The following DNAH3 variants were observed in gnomAD, a reference collection of about 807,000 sequenced individuals.
DNAH3 encodes dynein axonemal heavy chain 3.
DNAH3 carries 332 observed loss-of-function variants against 432.5 expected under a neutral mutation model. The ratio of observed to expected loss-of-function variants is 0.77; its 90% CI spans 0.70 to 0.84. DNAH3 has a LOEUF of 0.84. DNAH3 is among the 40% of genes least tolerant of loss of function. The pLI is 0.00. For missense variants in DNAH3, 4,861 were observed against 5,114.0 expected (o/e 0.95, Z 1.51); for synonymous variants, 1,956 against 1,900.2 (o/e 1.03, Z -0.76).
chr16:20,970,396 C>G (rs1190037104), intron 51 of DNAH3, among the ~76,000 whole-genome samples: 1 of 152,050 alleles, frequency 6.6e-6, no homozygotes, highest in Non-Finnish European at 1.5e-5. Context: ...TGGTGGTGGG[C>G]GCTTGTAATC....
chr16:20,954,714 C>G, intron 55 of DNAH3, 99 bp downstream of exon 55: 1 of 1,382,464 alleles, frequency 7.2e-7, no homozygotes, highest in Non-Finnish European at 9.8e-7. Flanking sequence ...TTACTGGCAA[C>G]CCTATCTGAG....
At chr16:21,037,732 C>T (rs1269152195) in intron 34 of DNAH3, 29 bp downstream of exon 34, 15 of 1,597,108 alleles carry the variant, frequency 9.4e-6, no homozygotes, top group Non-Finnish European at 1.2e-5. Context: ...AGCCTTGGTC[C>T]TCGGCCAAGG....
chr16:20,988,707 G>C (rs145590378), intron 44 of DNAH3, among the ~76,000 whole-genome samples: 7 of 152,240 alleles, frequency 4.6e-5, no homozygotes, highest in Admixed American at 4.6e-4. Flanking sequence ...TTTTGTGTCC[G>C]GAATTGGTGG....
At chr16:20,967,545 C>T (rs963104748) in intron 52 of DNAH3, among the ~76,000 whole-genome samples, 33 of 143,408 alleles carry the variant, frequency 2.3e-4, no homozygotes, top group African/African-American at 8.2e-4. Flanking sequence ...TCTTGTTGCC[C>T]AGGCTGGAGT....
At chr16:21,036,419 CT>C (rs1486050354) in intron 35 of DNAH3, among the ~76,000 whole-genome samples, 1 of 151,944 alleles carries the variant, frequency 6.6e-6, no homozygotes, top group Non-Finnish European at 1.5e-5. Context: ...CCATTTCTTT[CT>C]TCTTTTTTTT....
chr16:21,144,982 G>A (rs962991417), intron 3 of DNAH3, among the ~76,000 whole-genome samples, 199 bp downstream of exon 4: 3 of 152,066 alleles, frequency 2.0e-5, no homozygotes, highest in African/African-American at 4.8e-5. Context: ...ATAGCCAGGT[G>A]TGGCCTGTAG....
intron 41 of DNAH3, among the ~76,000 whole-genome samples, chr16:21,010,014 C>G (rs1189679398): frequency 6.6e-6 from 1 of 151,840 alleles, no homozygotes; most frequent in African/African-American, 2.4e-5. Flanking sequence ...GTAGATTTAC[C>G]AGCAGTGTGA....
chr16:21,036,915 C>T (rs909955702), intron 34 of DNAH3, 67 bp from the exon 35 acceptor site: 6 of 1,330,552 alleles, frequency 4.5e-6, no homozygotes, highest in Middle Eastern at 2.7e-4. Context: ...CAACATTTTC[C>T]TAAAATGAGA....
At chr16:21,118,439 ATTT>A (rs1156600680) in intron 11 of DNAH3, among the ~76,000 whole-genome samples, 1 of 150,052 alleles carries the variant, frequency 6.7e-6, no homozygotes, top group Non-Finnish European at 1.5e-5. Flanking sequence ...CTTTTTATTT[ATTT>A]ATTTTTTTAA....
At chr16:21,157,866 T>C (rs969052451) in intron 1 of DNAH3, among the ~76,000 whole-genome samples, 2 of 142,666 alleles carry the variant, frequency 1.4e-5, no homozygotes, top group Non-Finnish European at 3.0e-5. Flanking sequence ...CTCGGGACGA[T>C]GGGGCCTTCC....
At position 21,062,844 on chromosome 16, in the gene DNAH3, A is replaced by G. The variant is rs78451059; in HGVS notation, c.3519-161T>C. 2.7e-3 allele frequency: 1,690 copies of G among 619,240 alleles called. 20 individuals are homozygous for G. In the African/African-American group the frequency reaches 0.028, roughly 10 times the overall value. 38.4% of individuals were successfully genotyped at this position (619,240 alleles called of 1,614,324 possible). ...TCTTTTATCACTTTTCATCTGGGGC[A>G]TGGAAGGTGGAGTTTTGCTTTTCTT... is the stretch of plus-strand genomic sequence containing the variant. On this transcript the variant is annotated intron_variant, in intron 24 of 61. Transcript: ENST00000261383.
chr16:21,125,481 A>C, intron 8 of DNAH3, 111 bp from the exon 10 acceptor site: 1 of 795,888 alleles, frequency 1.3e-6, no homozygotes, highest in Non-Finnish European at 1.8e-6. Flanking sequence ...TGTCCCACCA[A>C]GCAGCCTTGC....
intron 16 of DNAH3, among the ~76,000 whole-genome samples, chr16:21,100,262 T>C (rs2008856): frequency 0.28 from 42,731 of 151,938 alleles, 6,139 homozygotes; most frequent in African/African-American, 0.34. Context: ...CATAGAGATG[T>C]GGTTTCACCA....
intron 57 of DNAH3, among the ~76,000 whole-genome samples, chr16:20,946,643 T>C (rs570193025): frequency 4.6e-5 from 7 of 152,234 alleles, no homozygotes; most frequent in Admixed American, 4.6e-4. Context: ...TTTTCATCCA[T>C]GGTTCCTGGC....
chr16:21,077,395 AC>A (rs768808472), intron 20 of DNAH3, among the ~76,000 whole-genome samples: 2 of 152,028 alleles, frequency 1.3e-5, no homozygotes, highest in Non-Finnish European at 2.9e-5. Context: ...ACTCCTGACC[AC>A]AAGTGATCCG....
intron 11 of DNAH3, among the ~76,000 whole-genome samples, chr16:21,117,655 G>T (rs936084918): frequency 2.0e-5 from 3 of 152,146 alleles, no homozygotes; most frequent in Non-Finnish European, 4.4e-5. Context: ...CTCACCTTCT[G>T]AACTTTTCCT....
chr16:21,103,206 G>C (rs2091875616), intron 16 of DNAH3, among the ~76,000 whole-genome samples: 1 of 152,066 alleles, frequency 6.6e-6, no homozygotes, highest in East Asian at 1.9e-4. Context: ...ACTACAAATT[G>C]GGTTCAGTGT....
At chr16:21,055,745 ATTT>A (rs775755456) in intron 27 of DNAH3, among the ~76,000 whole-genome samples, 1 of 134,232 alleles carries the variant, frequency 7.4e-6, no homozygotes. Context: ...TCAAATGCAG[ATTT>A]TTTTTTTTTT....
intron 48 of DNAH3, 103 bp from the exon 49 acceptor site, chr16:20,982,989 G>A: frequency 2.3e-6 from 3 of 1,298,522 alleles, no homozygotes; most frequent in Admixed American, 1.8e-5. Context: ...GTGGGGGCAG[G>A]CTTCCTCCTG....
Sources: allele counts gnomAD v4.1 joint callset (sites outside exome capture counted in the v4.1 genomes callset), GRCh38; gene constraint gnomAD v4.1.1; transcripts MANE v1.5; gene names NCBI Gene and HGNC (gene_info 2026-07-23, HGNC 2026-07-21).